CSMD3: variants seen among roughly 807,000 people sequenced by gnomAD.
The protein encoded by CSMD3 is CUB and sushi domain-containing protein 3.
Under a neutral mutation model 435.2 loss-of-function variants are expected in CSMD3, and 177 were observed. That is an observed-to-expected ratio of 0.41 (90% CI 0.36 to 0.46). The LOEUF (loss-of-function observed/expected upper bound fraction) is 0.46. CSMD3 is among the 20% of genes least tolerant of loss of function. CSMD3 has a pLI of 0.34. For missense variants in CSMD3, 4,265 were observed against 4,504.6 expected, an observed-to-expected ratio of 0.95 and a Z score of 1.52; for synonymous variants, 1,656 against 1,520.5, an observed-to-expected ratio of 1.09 and a Z score of -2.07.
intron 42 of CSMD3, among the ~76,000 whole-genome samples, chr8:112,339,382 C>T (rs1346844659): frequency 6.6e-6 from 1 of 151,978 alleles, no homozygotes; most frequent in Admixed American, 6.6e-5. Flanking sequence ...ATGGGGTGAG[C>T]ATGAAGTGGC....
intron 13 of CSMD3, among the ~76,000 whole-genome samples, chr8:112,728,823 G>A (rs568727831): frequency 7.3e-5 from 11 of 151,702 alleles, no homozygotes; most frequent in Non-Finnish European, 1.3e-4. Flanking sequence ...TGATTATTTC[G>A]GCAATTATGG....
Position 113,013,384 on chromosome 8 carries a change from TC to T in CSMD3, c.1030+5682del, listed in dbSNP as rs559121730. ...TTAGAATGTGTGCTTTCTCATCTGT[TC>T]CATATGTTATTATCTCTTTCCAGTG... On this transcript the variant is annotated intron_variant, in intron 6 of 70. Coordinates refer to ENST00000297405, the MANE Select transcript of CSMD3 (RefSeq NM_198123.2). Among the ~76,000 whole-genome samples, 242 of 152,242 alleles carry T rather than the reference TC, an allele frequency of 1.6e-3. 1 individual carries two copies. Among genetic ancestry groups the T allele is most frequent in the Non-Finnish European group, 2.2e-3 (149 of 67,990 alleles).
chr8:112,580,570 C>A (rs903573550), intron 23 of CSMD3, among the ~76,000 whole-genome samples: 4 of 150,384 alleles, frequency 2.7e-5, no homozygotes, highest in Non-Finnish European at 4.4e-5. Flanking sequence ...GGGGGTTGGT[C>A]AGGCAATTGA....
chr8:113,294,002 G>A (rs574264559), intron 2 of CSMD3, among the ~76,000 whole-genome samples: 5 of 151,856 alleles, frequency 3.3e-5, no homozygotes, highest in Middle Eastern at 3.6e-3. Flanking sequence ...CATTGAAACC[G>A]GATTTATATC....
chr8:113,282,936 T>C (rs1379333996), intron 2 of CSMD3, among the ~76,000 whole-genome samples: 1 of 151,858 alleles, frequency 6.6e-6, no homozygotes, highest in Non-Finnish European at 1.5e-5. Flanking sequence ...ACCCAAATAC[T>C]TACAGCCAAC....
chr8:112,849,781 T>G (rs1412950863), intron 11 of CSMD3, among the ~76,000 whole-genome samples: 1 of 151,932 alleles, frequency 6.6e-6, no homozygotes, highest in Non-Finnish European at 1.5e-5. Context: ...CTGGCTTAAG[T>G]AAAATACGTA....
intron 22 of CSMD3, among the ~76,000 whole-genome samples, chr8:112,635,782 T>C (rs1162753257): frequency 3.9e-5 from 6 of 152,170 alleles, no homozygotes; most frequent in Non-Finnish European, 8.8e-5. Flanking sequence ...TTGGACAATA[T>C]ATTGAATAAG....
rs753893968 is a variant in CSMD3, at chr8:113,241,947, C to CTATATA, written c.514+36639_514+36644dup. ...AGAAAACTGTTTATATAAAAAATTACTATATATATATATACACACACAATT... is the reference window on the plus strand; with the variant it reads ...AGAAAACTGTTTATATAAAAAATTACTATATATATATATATATATACACACACAATT... On this transcript the variant is annotated intron_variant, in intron 3 of 70. Transcript: ENST00000297405. Among the ~76,000 whole-genome samples the CTATATA allele has an allele frequency of 1.4e-3, 208 of 149,264 alleles. 1 individual carries two copies. The highest frequency in any genetic ancestry group is 5.0e-3 in the African/African-American group (203 of 40,854).
At position 113,035,785 on chromosome 8, in the gene CSMD3, T is replaced by A. The variant is rs2087322307; in HGVS notation, c.918-16606A>T. On this transcript the variant is annotated intron_variant, in intron 5 of 70. Transcript: ENST00000297405. ...CACTGAAATAAAAGGATCAGAGGTA[T>A]TTGAAGTTTTCTGGAAAAGATCATC... 4.6e-5 allele frequency among the ~76,000 whole-genome samples: 7 copies of A among 152,066 alleles called. No homozygotes were observed. The South Asian group carries it at 1.4e-3, about 31-fold the overall frequency.
intron 10 of CSMD3, among the ~76,000 whole-genome samples, chr8:112,868,220 C>T (rs997122603): frequency 2.6e-5 from 4 of 152,062 alleles, no homozygotes; most frequent in Non-Finnish European, 2.9e-5. Context: ...ACACATGGAG[C>T]TGTCATTTTC....
At chr8:113,285,883 T>C (rs1484518763) in intron 2 of CSMD3, among the ~76,000 whole-genome samples, 1 of 152,212 alleles carries the variant, frequency 6.6e-6, no homozygotes, top group Non-Finnish European at 1.5e-5. Flanking sequence ...TTTAGTTTCA[T>C]GAAAATTCTA....
intron 13 of CSMD3, among the ~76,000 whole-genome samples, chr8:112,798,623 C>T (rs2078884211): frequency 6.6e-6 from 1 of 151,870 alleles, no homozygotes; most frequent in Non-Finnish European, 1.5e-5. Context: ...CTACAATGTA[C>T]TTCCAGCTCT....
intron 35 of CSMD3, among the ~76,000 whole-genome samples, chr8:112,400,411 G>T (rs550896182): frequency 2.8e-4 from 42 of 152,188 alleles, no homozygotes; most frequent in African/African-American, 1.0e-3. Context: ...AAAAATTGGG[G>T]AAAACAAATA....
intron 4 of CSMD3, among the ~76,000 whole-genome samples, chr8:113,108,607 C>T (rs1481830069): frequency 6.6e-6 from 1 of 151,962 alleles, no homozygotes; most frequent in Non-Finnish European, 1.5e-5. Flanking sequence ...TTTTTAAAGT[C>T]ATTGATAAAA....
chr8:113,434,736 G>A (rs951507193), intron 1 of CSMD3, among the ~76,000 whole-genome samples: 4 of 152,224 alleles, frequency 2.6e-5, no homozygotes, highest in African/African-American at 9.6e-5. Context: ...TCAGTCCAAA[G>A]TAAATTAACG....
intron 11 of CSMD3, among the ~76,000 whole-genome samples, chr8:112,849,293 C>T (rs1016742274): frequency 6.6e-6 from 1 of 152,036 alleles, no homozygotes; most frequent in South Asian, 2.1e-4. Context: ...AAATTATCCT[C>T]ATAACAATAA....
At chr8:113,382,294 T>C (rs1466208299) in intron 1 of CSMD3, among the ~76,000 whole-genome samples, 1 of 152,188 alleles carries the variant, frequency 6.6e-6, no homozygotes, top group East Asian at 1.9e-4. Flanking sequence ...GATTTTTAAA[T>C]ACTTAAAACT....
intron 3 of CSMD3, among the ~76,000 whole-genome samples, chr8:113,178,311 T>C (rs2092376765): frequency 6.6e-6 from 1 of 151,928 alleles, no homozygotes; most frequent in Non-Finnish European, 1.5e-5. Context: ...ATAGCAGACT[T>C]GTGGTTCAAA....
intron 3 of CSMD3, among the ~76,000 whole-genome samples, chr8:113,194,956 G>A (rs940383026): frequency 4.0e-5 from 6 of 151,062 alleles, no homozygotes; most frequent in Non-Finnish European, 5.9e-5. Context: ...ATAGGTTACA[G>A]AACCTTCCTC....
Sources: allele counts gnomAD v4.1 joint callset (sites outside exome capture counted in the v4.1 genomes callset), GRCh38; gene constraint gnomAD v4.1.1; transcripts MANE v1.5; gene names NCBI Gene and HGNC (gene_info 2026-07-23, HGNC 2026-07-21).